TRAPPC11: variants seen among roughly 807,000 people sequenced by gnomAD.
TRAPPC11 encodes foie gras homolog.
TRAPPC11 carries 104 observed loss-of-function variants against 151.2 expected under a neutral mutation model. The observed-to-expected ratio is 0.69, with a 90% confidence interval of 0.59 to 0.81. The LOEUF (loss-of-function observed/expected upper bound fraction) is 0.81, where lower values mean the gene tolerates loss of function less well. Ranked by LOEUF, TRAPPC11 falls within the 30% of genes least tolerant of loss-of-function variation. The pLI, the probability that TRAPPC11 is intolerant of heterozygous loss-of-function variation, is 0.00. For synonymous variants in TRAPPC11, 456 were observed against 472.3 expected, an observed-to-expected ratio of 0.97 and a Z score of 0.45; for missense variants, 1,230 against 1,349.6, an observed-to-expected ratio of 0.91 and a Z score of 1.39.
At chr4:183,705,106 C>T in intron 27 of TRAPPC11, 36 bp downstream of exon 27, 1 of 1,349,444 alleles carries the variant, frequency 7.4e-7, no homozygotes, top group South Asian at 1.2e-5. Flanking sequence ...TAAGAAGGAC[C>T]CAATAATAAT....
intron 23 of TRAPPC11, among the ~76,000 whole-genome samples, chr4:183,695,304 C>T (rs1212087182): frequency 6.6e-6 from 1 of 152,090 alleles, no homozygotes; most frequent in Non-Finnish European, 1.5e-5. Flanking sequence ...GCAAATCACA[C>T]ATGAGATAAA....
chr4:183,706,249 C>T (rs564278083), intron 27 of TRAPPC11, among the ~76,000 whole-genome samples: 11 of 152,296 alleles, frequency 7.2e-5, no homozygotes, highest in East Asian at 5.8e-4. Context: ...CCTGGCTGGG[C>T]GCGGTGGCTC....
chr4:183,697,713 C>T lies in TRAPPC11; in HGVS notation c.2729C>T (p.Pro910Leu), dbSNP rs1323971063. 6 of 1,614,124 alleles carry T rather than the reference C, an allele frequency of 3.7e-6. No individual in the cohort carries two copies. The Admixed American group carries it at 6.7e-5, about 18-fold the overall frequency. ...EHLERVYADI[P>L]FLLMTDLLSA... ...CTGGAAAGGGTTTATGCTGACATCC[C>T]CTTTCTGTTGATGACGGACCTCTTA... The change falls in exon 25 of 30, where the codon CCC (proline) becomes CTC (leucine). Residue 910 changes from proline to leucine, a missense_variant. By Grantham distance (98) the Pro-to-Leu change is moderately conservative. Coordinates refer to ENST00000334690, the MANE Select transcript of TRAPPC11 (RefSeq NM_021942.6).
chr4:183,673,891 G>T (rs1735278560), intron 5 of TRAPPC11, among the ~76,000 whole-genome samples: 1 of 152,110 alleles, frequency 6.6e-6, no homozygotes, highest in South Asian at 2.1e-4. Context: ...AGATTTTCTT[G>T]TTCCTATGTA....
chr4:183,675,144 ATTT>A lies in TRAPPC11; in HGVS notation c.661-15_661-13del. On this transcript the variant is annotated splice_polypyrimidine_tract_variant and intron_variant, in intron 6 of 29. Transcript: ENST00000334690. ...TTTAAATAGAATATGTATAATAGTA[ATTT>A]TTTTGTCTCTTTTTAGCTTTTATTT... 7.3e-7 allele frequency: 1 copy of A among 1,379,172 alleles called. No homozygotes were observed. The highest frequency in any genetic ancestry group is 2.4e-5 in the East Asian group (1 of 40,914). The allele number at this position is 1,379,172 out of a possible 1,614,324, so 85.4% of individuals were successfully genotyped here. A position where few individuals can be genotyped will look rare whatever the true frequency, so the allele number is the denominator to read the frequency against.
Position 183,712,849 on chromosome 4 carries a change from T to C in TRAPPC11, c.*205T>C, listed in dbSNP as rs1157598982. The C allele has an allele frequency of 2.0e-6, 1 of 488,358 alleles. No homozygotes were observed. Among genetic ancestry groups the C allele is most frequent in the East Asian group, 3.1e-5 (1 of 32,016 alleles). The allele number at this position is 488,358 out of a possible 1,614,324, so 30.3% of individuals were successfully genotyped here. A position where few individuals can be genotyped will look rare whatever the true frequency, so the allele number is the denominator to read the frequency against. ...TAGTTTCTCTAATAAATATCTGAAA[T>C]CTCAGTACGACATGAAAGAATGTCA... On this transcript the variant is annotated 3_prime_UTR_variant, in exon 30 of 30. Transcript: ENST00000334690.
intron 19 of TRAPPC11, 81 bp downstream of exon 19, chr4:183,691,552 A>G: frequency 1.1e-6 from 1 of 915,568 alleles, no homozygotes; most frequent in Non-Finnish European, 1.5e-6. Context: ...ACAAAAGTTG[A>G]TTAAGTAAAA....
chr4:183,669,002 CAGG>C (rs1460514560), intron 5 of TRAPPC11, among the ~76,000 whole-genome samples: 5 of 152,130 alleles, frequency 3.3e-5, no homozygotes, highest in Non-Finnish European at 4.4e-5. Flanking sequence ...TGATCCGCTG[CAGG>C]AGGTTACCTG....
Position 183,708,558 on chromosome 4 carries a change from C to T in TRAPPC11, c.3341C>T (p.Thr1114Ile), listed in dbSNP as rs1737196531. Residue 1114 changes from threonine (T) to isoleucine (I), a missense_variant, in exon 29 of 30, where the codon ACC becomes ATC. Coordinates refer to ENST00000334690, the MANE Select transcript of TRAPPC11 (RefSeq NM_021942.6). The stretch of plus-strand genomic sequence containing the variant: ...CAGCTGCTCAGGCGTTTTATACCTA[C>T]CAGTATTTTTGTCAAGGTAAAGCTT... ...TNQLLRRFIP[T>I]SIFVKPQGRL... The T allele has an allele frequency of 1.2e-6, 2 of 1,613,676 alleles. No individual in the cohort carries two copies. Among genetic ancestry groups the T allele is most frequent in the Non-Finnish European group, 1.7e-6 (2 of 1,179,882 alleles).
intron 1 of TRAPPC11, 92 bp from the exon 2 acceptor site, chr4:183,663,755 T>TTTTGAAA: frequency 4.2e-6 from 2 of 473,400 alleles, no homozygotes. Flanking sequence ...TTTTTTTTTT[T>TTTTGAAA]GAGACAGAGT....
chr4:183,701,881 C>A, intron 26 of TRAPPC11, 73 bp downstream of exon 26: 1 of 1,031,690 alleles, frequency 9.7e-7, no homozygotes, highest in Non-Finnish European at 1.5e-6. Context: ...TCATCTTTGT[C>A]ACTTAATATT....
rs142222368 is a variant in TRAPPC11 at position 183,712,642 on chromosome 4, T to C, written c.3400T>C (p.Ter1134ArgextTer23). ...GGATGATACCTCTATTGCTGCTGCA[T>C]GATGTTCAAGACCGGCCCTTGGCTG... The part of the protein sequence containing the change: ...LMDDTSIAAA[*>R] The change falls in exon 30 of 30, where the codon TGA (stop) becomes CGA (arginine). Residue 1134 changes from the stop codon to arginine, a stop_lost. Coordinates refer to ENST00000334690, the MANE Select transcript of TRAPPC11 (RefSeq NM_021942.6). 2.1e-4 allele frequency: 338 copies of C among 1,614,070 alleles called. No individual in the cohort carries two copies. Among genetic ancestry groups the C allele is most frequent in the Non-Finnish European group, 2.5e-4 (296 of 1,180,028 alleles).
intron 26 of TRAPPC11, among the ~76,000 whole-genome samples, chr4:183,703,532 G>A (rs757848783): frequency 6.6e-6 from 1 of 152,124 alleles, no homozygotes; most frequent in Non-Finnish European, 1.5e-5. Context: ...ATATGCTATT[G>A]AAATTTTAGC....
Position 183,694,723 on chromosome 4 carries a change from G to C in TRAPPC11, c.2628G>C (p.Lys876Asn). ...EEKEIVCKCHKDETVTIETVF... is the reference protein window; with the variant it reads ...EEKEIVCKCHNDETVTIETVF... ...AAGAAATTGTTTGCAAGTGTCACAA[G>C]GTATTTTTTTATAGCTACTTTATAA... is the stretch of plus-strand genomic sequence containing the variant. Residue 876 changes from lysine to asparagine, a missense_variant and splice_region_variant, in exon 23 of 30, where the codon AAG becomes AAC. By Grantham distance (94) the Lys-to-Asn change is moderately conservative. Coordinates refer to ENST00000334690, the MANE Select transcript of TRAPPC11 (RefSeq NM_021942.6). The C allele has an allele frequency of 1.9e-6, 3 of 1,603,012 alleles. No individual in the cohort carries two copies. Among genetic ancestry groups the C allele is most frequent in the Non-Finnish European group, 2.5e-6 (3 of 1,177,578 alleles).
chr4:183,706,971 G>C, intron 28 of TRAPPC11, 31 bp downstream of exon 28: 1 of 1,604,724 alleles, frequency 6.2e-7, no homozygotes, highest in Non-Finnish European at 8.5e-7. Flanking sequence ...TGCTTATGTT[G>C]ACACAAAAGT....
chr4:183,684,375 T>C lies in TRAPPC11; in HGVS notation c.1421+16T>C. ...AAGCTTTGAAGTGAGTCCTGTTCACTATTTACTTTTACAAGTATTTGGATT... is the reference window on the plus strand; with the variant it reads ...AAGCTTTGAAGTGAGTCCTGTTCACCATTTACTTTTACAAGTATTTGGATT... On this transcript the variant is annotated intron_variant, in intron 14 of 29. Transcript: ENST00000334690. 3 of 1,604,572 alleles carry C rather than the reference T, an allele frequency of 1.9e-6. No individual in the cohort carries two copies. The highest frequency in any genetic ancestry group is 1.7e-6 in the Non-Finnish European group (2 of 1,172,374).
In TRAPPC11 at chr4:183,660,947, C is replaced by T. The variant is rs539098567; in HGVS notation, c.-22+1500C>T. Among the ~76,000 whole-genome samples, 132 of 148,374 alleles carry T rather than the reference C, an allele frequency of 8.9e-4. 5 individuals carry two copies. In the South Asian group the frequency reaches 0.01, roughly 12 times the overall value. ...CAGGCTGGTTTTGAACCGTTGACCT[C>T]GTGAATCGCCCGCCTTGGCCTCCCA... On this transcript the variant is annotated intron_variant, in intron 1 of 29. Coordinates refer to ENST00000334690, the MANE Select transcript of TRAPPC11 (RefSeq NM_021942.6).
intron 19 of TRAPPC11, 35 bp from the exon 20 acceptor site, chr4:183,692,920 TATGAG>T (rs1736325698): frequency 6.4e-7 from 1 of 1,565,566 alleles, no homozygotes; most frequent in Admixed American, 1.8e-5. Flanking sequence ...GACAAGCACA[TATGAG>T]ATGACATTTC....
At chr4:183,699,685 C>A (rs1736708744) in intron 25 of TRAPPC11, among the ~76,000 whole-genome samples, 3 of 152,170 alleles carry the variant, frequency 2.0e-5, no homozygotes, top group Non-Finnish European at 4.4e-5. Context: ...TGGTTGCGTT[C>A]CTTCTGGAGG....
Sources: allele counts gnomAD v4.1 joint callset (sites outside exome capture counted in the v4.1 genomes callset), GRCh38; gene constraint gnomAD v4.1.1; transcripts MANE v1.5; gene names NCBI Gene and HGNC (gene_info 2026-07-23, HGNC 2026-07-21).